TPD52: variants seen among roughly 807,000 people sequenced by gnomAD.
TPD52 encodes the protein tumor protein D52.
A neutral mutation model predicts 31.3 loss-of-function variants in TPD52; 17 were observed. That is an observed-to-expected ratio of 0.54 (90% confidence interval 0.37 to 0.82). The LOEUF (loss-of-function observed/expected upper bound fraction) is 0.82. Ranked by LOEUF, TPD52 falls within the 40% of genes least tolerant of loss-of-function variation. TPD52 has a pLI of 0.00. For synonymous variants in TPD52, 83 were observed against 89.6 expected (o/e 0.93, Z 0.42); for missense variants, 212 against 240.1 (o/e 0.88, Z 0.77).
rs57625062 is a variant in TPD52 at position 80,158,943 on chromosome 8, C to CAAAAAA, written c.19+12476_19+12481dup. 57 of 76,330 alleles carry CAAAAAA rather than the reference C, an allele frequency of 7.5e-4. 2 individuals carry two copies. Among genetic ancestry groups the CAAAAAA allele is most frequent in the African/African-American group, 2.8e-3 (53 of 19,210 alleles). The allele number at this position is 76,330 out of a possible 1,614,324, so 4.7% of individuals were successfully genotyped here. On this transcript the variant is annotated intron_variant, in intron 1 of 7. Coordinates refer to ENST00000518937, the MANE Select transcript of TPD52 (RefSeq NM_001025253.3). ...TGGGCGACAGAGCGAGACTCCGTCT[C>CAAAAAA]AAAAAAAAAAAAAAAAAAAAAAAAA...
At chr8:80,042,265 T>G (rs1810462608) in intron 7 of TPD52, 1 of 985,456 alleles carries the variant, frequency 1.0e-6, no homozygotes, top group Non-Finnish European at 1.2e-6. Context: ...TTTTCTTTCT[T>G]GTGCTTCCTA....
chr8:80,148,155 TA>T (rs1303881574), intron 1 of TPD52, among the ~76,000 whole-genome samples: 2 of 86,734 alleles, frequency 2.3e-5, no homozygotes, highest in African/African-American at 8.8e-5. Flanking sequence ...TTTCCACTTC[TA>T]AATTTTTTTT....
intron 1 of TPD52, among the ~76,000 whole-genome samples, chr8:80,128,256 AAAC>A (rs910475192): frequency 6.6e-6 from 1 of 152,184 alleles, no homozygotes; most frequent in East Asian, 1.9e-4. Flanking sequence ...CATAGAAGGA[AAAC>A]AACATATCAC....
At chr8:80,157,647 GT>G (rs1811064937) in intron 1 of TPD52, among the ~76,000 whole-genome samples, 1 of 152,196 alleles carries the variant, frequency 6.6e-6, no homozygotes, top group Non-Finnish European at 1.5e-5. Context: ...CAAGCTTCAG[GT>G]TGGCCCTTAG....
At chr8:80,131,940 T>C (rs1809046916) in intron 1 of TPD52, among the ~76,000 whole-genome samples, 1 of 151,952 alleles carries the variant, frequency 6.6e-6, no homozygotes, top group African/African-American at 2.4e-5. Flanking sequence ...CTCCTACTGA[T>C]TAGATGTATG....
intron 7 of TPD52, among the ~76,000 whole-genome samples, chr8:80,039,445 C>T (rs1024035707): frequency 5.3e-5 from 8 of 151,832 alleles, no homozygotes; most frequent in African/African-American, 1.9e-4. Context: ...TGTCACTTCT[C>T]ACTTCTAAAT....
intron 7 of TPD52, among the ~76,000 whole-genome samples, chr8:80,041,142 G>C (rs60110494): frequency 0.059 from 8,977 of 152,216 alleles, 879 homozygotes; most frequent in African/African-American, 0.2. Flanking sequence ...GCGCCTGTCA[G>C]GGGGTGGGAT....
intron 1 of TPD52, among the ~76,000 whole-genome samples, chr8:80,100,728 TC>T (rs755441133): frequency 6.6e-4 from 100 of 152,314 alleles, no homozygotes; most frequent in Non-Finnish European, 1.2e-3. Context: ...AGATTCTAGT[TC>T]AAGCCTGGGT....
intron 1 of TPD52, among the ~76,000 whole-genome samples, chr8:80,085,643 G>GA (rs1177737128): frequency 3.9e-5 from 6 of 151,998 alleles, no homozygotes; most frequent in East Asian, 1.9e-4. Context: ...ATAAACCACT[G>GA]AAAAAAACAG....
chr8:80,165,529 C>A (rs1322865957), intron 1 of TPD52, among the ~76,000 whole-genome samples: 2 of 152,120 alleles, frequency 1.3e-5, no homozygotes. Context: ...AGAAGGGCAC[C>A]CAAACCTCCT....
At chr8:80,045,539 CT>C (rs1810759932) in intron 5 of TPD52, among the ~76,000 whole-genome samples, 1 of 152,178 alleles carries the variant, frequency 6.6e-6, no homozygotes, top group African/African-American at 2.4e-5. Flanking sequence ...TGAAGAGGAT[CT>C]GGTGGGACCA....
rs1809840131 is a variant in TPD52 at position 80,035,544 on chromosome 8, A to G, written c.*2572T>C. 1 of 152,246 alleles carries G rather than the reference A, an allele frequency of 6.6e-6. No homozygotes were observed. The highest frequency in any genetic ancestry group is 1.5e-5 in the Non-Finnish European group (1 of 68,044). The allele number at this position is 152,246 out of a possible 1,614,324, so 9.4% of individuals were successfully genotyped here. ...TATAGCATTTTTATTTTCCAATACT[A>G]TACAAAAAATAGACTGTGCATATCT... On this transcript the variant is annotated 3_prime_UTR_variant, in exon 8 of 8. Coordinates refer to ENST00000518937, the MANE Select transcript of TPD52 (RefSeq NM_001025253.3).
chr8:80,042,495 T>C (rs1810483762), intron 7 of TPD52, 125 bp downstream of exon 7: 1 of 1,463,980 alleles, frequency 6.8e-7, no homozygotes. Flanking sequence ...ACATAAGGAG[T>C]AAAGTTATTT....
chr8:80,124,516 T>C (rs1563643690), intron 1 of TPD52, among the ~76,000 whole-genome samples: 1 of 152,310 alleles, frequency 6.6e-6, no homozygotes, highest in East Asian at 1.9e-4. Context: ...AGTCTGGACC[T>C]AGACATCAGT....
intron 1 of TPD52, among the ~76,000 whole-genome samples, chr8:80,094,474 A>ATATGTATG (rs1816570280): frequency 9.9e-6 from 1 of 101,030 alleles, no homozygotes; most frequent in Non-Finnish European, 2.1e-5. Context: ...ATATATATAT[A>ATATGTATG]TATATATATA....
intron 1 of TPD52, among the ~76,000 whole-genome samples, chr8:80,086,116 A>AT (rs1815738371): frequency 8.1e-5 from 5 of 61,846 alleles, no homozygotes; most frequent in East Asian, 4.9e-4. Context: ...TTTTTTTTTT[A>AT]GTTTTTTTTT....
intron 1 of TPD52, among the ~76,000 whole-genome samples, chr8:80,096,401 C>G (rs1196250616): frequency 6.6e-6 from 1 of 152,012 alleles, no homozygotes; most frequent in African/African-American, 2.4e-5. Flanking sequence ...TCCTAAGTAT[C>G]TGAAGTAGCA....
intron 1 of TPD52, among the ~76,000 whole-genome samples, chr8:80,143,641 G>A (rs774408393): frequency 6.6e-6 from 1 of 152,058 alleles, no homozygotes; most frequent in African/African-American, 2.4e-5. Context: ...AAGCTTCATA[G>A]TTTAACAAAA....
In TPD52 at chr8:80,035,818, C is replaced by T. The variant is rs1809863778; in HGVS notation, c.*2298G>A. The T allele has an allele frequency of 6.6e-6, 1 of 152,218 alleles. No homozygotes were observed. Among genetic ancestry groups the T allele is most frequent in the Non-Finnish European group, 1.5e-5 (1 of 68,038 alleles). The allele number at this position is 152,218 out of a possible 1,614,324, so 9.4% of individuals were successfully genotyped here. A position where few individuals can be genotyped will look rare whatever the true frequency, so the allele number is the denominator to read the frequency against. On this transcript the variant is annotated 3_prime_UTR_variant, in exon 8 of 8. Coordinates refer to ENST00000518937, the MANE Select transcript of TPD52 (RefSeq NM_001025253.3). Reference sequence around the variant, plus strand: ...TCATAAGTATCTGAGATTTCACACTCTTGCTATTTTCTTAGTGTCAAACAC... The same window carrying T: ...TCATAAGTATCTGAGATTTCACACTTTTGCTATTTTCTTAGTGTCAAACAC...
Sources: allele counts gnomAD v4.1 joint callset (sites outside exome capture counted in the v4.1 genomes callset), GRCh38; gene constraint gnomAD v4.1.1; transcripts MANE v1.5; gene names NCBI Gene and HGNC (gene_info 2026-07-23, HGNC 2026-07-21).